The following HERC3 variants were observed in gnomAD, a reference collection of about 807,000 sequenced individuals.
HERC3 encodes probable E3 ubiquitin-protein ligase HERC3.
HERC3 carries 58 observed loss-of-function variants against 129.9 expected under a neutral mutation model. The observed-to-expected ratio is 0.45, with a 90% CI of 0.36 to 0.56. The LOEUF is 0.56. HERC3 is among the 20% of genes least tolerant of loss of function. HERC3 has a pLI of 0.00. For synonymous variants in HERC3, 430 were observed against 451.0 expected (o/e 0.95, Z 0.59); for missense variants, 835 against 1,244.2 (o/e 0.67, Z 4.95).
chr4:88,625,803 T>A (rs1182483328), intron 3 of HERC3, among the ~76,000 whole-genome samples: 1 of 152,176 alleles, frequency 6.6e-6, no homozygotes, highest in Non-Finnish European at 1.5e-5. Flanking sequence ...GGATGTCCTT[T>A]ATCAAGTTGA....
Position 88,664,183 on chromosome 4 carries a change from C to T in HERC3, c.1302C>T (p.Ala434=), listed in dbSNP as rs146967273. ...NGVVQILSSA[A]CWNGSFLEKK... ...TTGTTCAGATATTATCTTCTGCAGC[C>T]TGTTGGAATGGAAGTTTTCTTGAAA... The change falls in exon 12 of 26, where the codon GCC becomes GCT. Residue 434 remains alanine, a synonymous_variant. Coordinates refer to ENST00000402738, the MANE Select transcript of HERC3 (RefSeq NM_014606.3). 8 of 1,612,756 alleles carry T rather than the reference C, an allele frequency of 5.0e-6. No homozygotes were observed. The African/African-American group carries it at 9.4e-5, about 19-fold the overall frequency.
chr4:88,693,807 T>C (rs1560773783), intron 23 of HERC3: 1 of 442,014 alleles, frequency 2.3e-6, no homozygotes, highest in Admixed American at 6.4e-5. Context: ...GTGTATTGCA[T>C]GCTTCCTTTC....
chr4:88,528,160 T>TG, the HERC3 span: 24 of 215,240 alleles, frequency 1.1e-4, no homozygotes, highest in South Asian at 1.7e-3. Context: ...AGTCAGGCCC[T>TG]GGGGGTGTGA....
chr4:88,625,891 C>G (rs1010826058), intron 3 of HERC3, among the ~76,000 whole-genome samples: 3 of 151,826 alleles, frequency 2.0e-5, no homozygotes, highest in East Asian at 3.9e-4. Flanking sequence ...ATTTCCAAAC[C>G]TTTTGCAGTG....
the HERC3 span, among the ~76,000 whole-genome samples, chr4:88,551,661 TAAG>T: frequency 6.6e-6 from 1 of 152,080 alleles, no homozygotes. Flanking sequence ...TGTGGAGAAA[TAAG>T]AACACTTTTA....
intron 1 of HERC3, among the ~76,000 whole-genome samples, chr4:88,593,876 C>G (rs1560650204): frequency 6.6e-6 from 1 of 152,192 alleles, no homozygotes; most frequent in Non-Finnish European, 1.5e-5. Context: ...TTTGTACTTT[C>G]CTTTACCCTG....
chr4:88,622,420 G>C (rs1340507255), intron 3 of HERC3, among the ~76,000 whole-genome samples: 2 of 152,164 alleles, frequency 1.3e-5, no homozygotes, highest in African/African-American at 4.8e-5. Context: ...GTTTTTGGCT[G>C]TTATGAATAA....
At chr4:88,624,759 T>C (rs1220079945) in intron 3 of HERC3, among the ~76,000 whole-genome samples, 1 of 152,208 alleles carries the variant, frequency 6.6e-6, no homozygotes, top group African/African-American at 2.4e-5. Context: ...GCTTTTTGTG[T>C]CCTAAGAATT....
chr4:88,707,739 A>G lies in HERC3; in HGVS notation c.*779A>G, dbSNP rs1341895436. ...CCCTTTGACAATAAGGTTAATTGATAGACCCACCACCTCTTGCACTCTCGC... is the reference window on the plus strand; with the variant it reads ...CCCTTTGACAATAAGGTTAATTGATGGACCCACCACCTCTTGCACTCTCGC... On this transcript the variant is annotated 3_prime_UTR_variant, in exon 26 of 26. Transcript: ENST00000402738. The G allele has an allele frequency of 6.6e-6, 1 of 152,382 alleles. No homozygotes were observed. Among genetic ancestry groups the G allele is most frequent in the Non-Finnish European group, 1.5e-5 (1 of 68,056 alleles). 9.4% of individuals were successfully genotyped at this position (152,382 alleles called of 1,614,324 possible).
intron 10 of HERC3, 75 bp from the exon 11 acceptor site, chr4:88,662,356 A>G (rs1730579382): frequency 7.2e-6 from 10 of 1,398,218 alleles, no homozygotes; most frequent in Non-Finnish European, 9.9e-6. Flanking sequence ...AATGGAGAAT[A>G]TGTGGGAGAA....
At chr4:88,664,085 T>C in intron 11 of HERC3, 68 bp from the exon 12 acceptor site, 4 of 1,373,890 alleles carry the variant, frequency 2.9e-6, no homozygotes, top group Non-Finnish European at 4.1e-6. Flanking sequence ...TACTTTATTA[T>C]TGATGCTTAA....
At chr4:88,542,191 T>C in the HERC3 span, among the ~76,000 whole-genome samples, 1 of 151,656 alleles carries the variant, frequency 6.6e-6, no homozygotes, top group Non-Finnish European at 1.5e-5. Flanking sequence ...TAGATAGACA[T>C]TAGCAAGATT....
At chr4:88,533,942 TTCTA>T in the HERC3 span, among the ~76,000 whole-genome samples, 3,122 of 152,284 alleles carry the variant, frequency 0.021, 103 homozygotes, top group African/African-American at 0.071. Context: ...GTTTCTTAGC[TTCTA>T]TCTTTTTTTA....
chr4:88,656,711 A>G (rs529813056), intron 9 of HERC3: 3 of 152,338 alleles, frequency 2.0e-5, no homozygotes, highest in Non-Finnish European at 4.4e-5. Context: ...TATACATTTT[A>G]TTGTTGTTGC....
At chr4:88,566,163 T>C in the HERC3 span, among the ~76,000 whole-genome samples, 1 of 152,200 alleles carries the variant, frequency 6.6e-6, no homozygotes, top group Non-Finnish European at 1.5e-5. Context: ...TGTGTATTGT[T>C]CTCCTCTATG....
In HERC3 at chr4:88,654,349, C is replaced by CATATATAT. The variant is rs869126362; in HGVS notation, c.777+248_777+255dup. Among the ~76,000 whole-genome samples, 542 of 70,544 alleles carry CATATATAT rather than the reference C, an allele frequency of 7.7e-3. 3 individuals are homozygous for CATATATAT. The highest frequency in any genetic ancestry group is 0.014 in the South Asian group (25 of 1,794). The allele number at this position is 70,544 out of a possible 152,430, so 46.3% of individuals were successfully genotyped here. ...CTCTTTGGTAATCTTGTAGATTTTT[C>CATATATAT]ATATATATATATATATATATATATA... On this transcript the variant is annotated intron_variant, in intron 7 of 25. Transcript: ENST00000402738.
At chr4:88,673,328 C>CGAA (rs1731809773) in intron 16 of HERC3, among the ~76,000 whole-genome samples, 1 of 152,116 alleles carries the variant, frequency 6.6e-6, no homozygotes, top group South Asian at 2.1e-4. Context: ...TGCAGGTGTG[C>CGAA]GTGTAGTGCC....
At position 88,706,876 on chromosome 4, in the gene HERC3, C is replaced by T. The variant is rs776926346; in HGVS notation, c.3069C>T (p.Asp1023=). 4 of 1,614,040 alleles carry T rather than the reference C, an allele frequency of 2.5e-6. No homozygotes were observed. ...CCCACACTTGCTACAACCTTCTTGACCTCCCCAAGTACAGCAGCAAAGAGA... is the reference window on the plus strand; with the variant it reads ...CCCACACTTGCTACAACCTTCTTGATCTCCCCAAGTACAGCAGCAAAGAGA... ...PVAHTCYNLL[D]LPKYSSKEIL... is the part of the protein sequence containing the mutation. Residue 1023 remains aspartate (D), a synonymous_variant, in exon 26 of 26, where the codon GAC becomes GAT. Transcript: ENST00000402738.
intron 23 of HERC3, among the ~76,000 whole-genome samples, chr4:88,698,040 T>G (rs575783312): frequency 3.3e-5 from 5 of 152,132 alleles, no homozygotes; most frequent in African/African-American, 1.2e-4. Context: ...AGCCCACCCA[T>G]GTACCCACCC....
Sources: gnomAD v4.1 joint callset for allele counts (sites outside exome capture counted in the v4.1 genomes callset) on GRCh38, gnomAD v4.1.1 for gene constraint, MANE v1.5 for transcripts, NCBI Gene and HGNC (gene_info 2026-07-23, HGNC 2026-07-21) for gene names.